Variants in TAF12 observed in about 807,000 individuals in gnomAD.
TAF12 encodes TATA-box binding protein associated factor 12, also known as transcription initiation factor TFIID subunit 12.
TAF12 carries 3 observed loss-of-function variants against 20.8 expected under a neutral mutation model. The observed-to-expected ratio is 0.14, with a 90% CI of 0.07 to 0.37. TAF12 has a LOEUF of 0.37. Ranked by LOEUF, TAF12 falls within the 10% of genes least tolerant of loss-of-function variation. The probability of loss-of-function intolerance (pLI) is 1.00; values close to 1 mark genes in which losing one functional copy is unlikely to be tolerated. For synonymous variants in TAF12, 69 were observed against 70.2 expected (o/e 0.98, Z 0.09); for missense variants, 131 against 197.9 (o/e 0.66, Z 2.03).
intron 2 of TAF12, 32 bp downstream of exon 2, chr1:28,621,882 G>C: frequency 8.1e-6 from 13 of 1,607,378 alleles, no homozygotes; most frequent in Non-Finnish European, 1.1e-5. Context: ...GTAAGAAGTG[G>C]CTACAGAGAA....
At chr1:28,604,477 A>C (rs1446447894) in intron 5 of TAF12, among the ~76,000 whole-genome samples, 1 of 152,198 alleles carries the variant, frequency 6.6e-6, no homozygotes, top group South Asian at 2.1e-4. Context: ...TTTTTGACCA[A>C]ATACCAATAT....
intron 4 of TAF12, among the ~76,000 whole-genome samples, chr1:28,606,001 T>A (rs1384714977): frequency 6.6e-6 from 1 of 151,140 alleles, no homozygotes; most frequent in Non-Finnish European, 1.5e-5. Flanking sequence ...CTGGCTTTTT[T>A]ATTTTTTATT....
upstream of TAF12, among the ~76,000 whole-genome samples, chr1:28,645,326 C>T (rs1324274930): frequency 1.3e-5 from 2 of 149,990 alleles, no homozygotes; most frequent in East Asian, 2.0e-4. Flanking sequence ...GGAGCCACTG[C>T]GCCCGGCCTC....
intron 1 of TAF12, among the ~76,000 whole-genome samples, chr1:28,639,190 G>C (rs1342164055): frequency 1.3e-5 from 2 of 151,530 alleles, no homozygotes; most frequent in African/African-American, 4.8e-5. Flanking sequence ...GCCGAGGCAG[G>C]CAGATCATCT....
At chr1:28,617,430 A>C (rs990956383) in intron 3 of TAF12, among the ~76,000 whole-genome samples, 2 of 149,380 alleles carry the variant, frequency 1.3e-5, no homozygotes, top group Admixed American at 1.3e-4. Flanking sequence ...GGTACACACC[A>C]CCACGCTCAG....
At chr1:28,611,116 G>A (rs937185009) in intron 4 of TAF12, among the ~76,000 whole-genome samples, 2 of 152,136 alleles carry the variant, frequency 1.3e-5, no homozygotes, top group African/African-American at 2.4e-5. Context: ...AGGTGCTCAT[G>A]GGATGTTAGT....
intron 1 of TAF12, among the ~76,000 whole-genome samples, chr1:28,641,977 T>C (rs1166150217): frequency 6.6e-6 from 1 of 152,164 alleles, no homozygotes; most frequent in Non-Finnish European, 1.5e-5. Context: ...CTTAGCCTTC[T>C]TAAATGTAAA....
chr1:28,617,767 A>G (rs1465740470), intron 3 of TAF12, among the ~76,000 whole-genome samples, 186 bp downstream of exon 3: 2 of 151,502 alleles, frequency 1.3e-5, no homozygotes, highest in East Asian at 3.9e-4. Context: ...TAATTGTTTA[A>G]TTTTTTGCAG....
chr1:28,646,989 C>T (rs776308622), upstream of TAF12, among the ~76,000 whole-genome samples: 4 of 151,776 alleles, frequency 2.6e-5, no homozygotes, highest in Non-Finnish European at 5.9e-5. Flanking sequence ...TGAGCCACCG[C>T]ACCCGGCCAA....
chr1:28,605,024 A>C lies in TAF12; in HGVS notation c.450+348T>G, dbSNP rs913367758. ...ACCTGCCCTCTCTTCATAGGACCAT[A>C]TATGGTGTTGCAATCAGCAACAATG... On this transcript the variant is annotated intron_variant, in intron 5 of 5. Transcript: ENST00000373824. Among the ~76,000 whole-genome samples the C allele has an allele frequency of 3.9e-5, 6 of 152,274 alleles. No individual in the cohort carries two copies. In the South Asian group the frequency reaches 1.0e-3, roughly 26 times the overall value.
chr1:28,614,646 G>A, intron 3 of TAF12, among the ~76,000 whole-genome samples: 1 of 150,836 alleles, frequency 6.6e-6, no homozygotes, highest in African/African-American at 2.4e-5. Flanking sequence ...CTGAACCACT[G>A]CACTCCAGCC....
chr1:28,613,660 A>G (rs1666937060), intron 3 of TAF12, among the ~76,000 whole-genome samples: 1 of 152,230 alleles, frequency 6.6e-6, no homozygotes, highest in Admixed American at 6.5e-5. Flanking sequence ...AATCATTTCA[A>G]TTCCTCACTC....
intron 1 of TAF12, among the ~76,000 whole-genome samples, chr1:28,633,198 A>C (rs1570331821): frequency 2.6e-5 from 3 of 116,904 alleles, no homozygotes; most frequent in Non-Finnish European, 3.4e-5. Flanking sequence ...ACAGAATCTC[A>C]CTCTGTTGCC....
intron 5 of TAF12, among the ~76,000 whole-genome samples, chr1:28,604,861 T>C (rs1221267206): frequency 1.3e-5 from 2 of 152,158 alleles, no homozygotes; most frequent in Non-Finnish European, 2.9e-5. Context: ...AGAAGTAGTA[T>C]TCTCACACTG....
chr1:28,647,973 T>C (rs1406987808), upstream of TAF12, among the ~76,000 whole-genome samples: 2 of 152,032 alleles, frequency 1.3e-5, no homozygotes, highest in Non-Finnish European at 2.9e-5. Flanking sequence ...ATTCTACAAC[T>C]CTTTTCACTC....
At chr1:28,612,933 C>T (rs760987041) in intron 4 of TAF12, among the ~76,000 whole-genome samples, 5 of 152,040 alleles carry the variant, frequency 3.3e-5, no homozygotes, top group Admixed American at 6.6e-5. Flanking sequence ...ATAATTCTCA[C>T]GATTATTCTG....
At chr1:28,627,068 T>C (rs1227431389) in intron 1 of TAF12, among the ~76,000 whole-genome samples, 3 of 152,084 alleles carry the variant, frequency 2.0e-5, no homozygotes, top group African/African-American at 7.2e-5. Flanking sequence ...CCTTAAGGAA[T>C]AGCTCCAACA....
chr1:28,617,781 C>G (rs1333867059), intron 3 of TAF12, among the ~76,000 whole-genome samples, 172 bp downstream of exon 3: 1 of 151,928 alleles, frequency 6.6e-6, no homozygotes, highest in Admixed American at 6.6e-5. Flanking sequence ...TTTGCAGAGA[C>G]AAGGTCTCAT....
rs375218029 is a variant in TAF12 at position 28,607,257 on chromosome 1, TGTG to T, written c.362-1800_362-1798del. Among the ~76,000 whole-genome samples the T allele has an allele frequency of 2.8e-4, 43 of 152,348 alleles. No homozygotes were observed. In the South Asian group the frequency reaches 8.7e-3, roughly 31 times the overall value. On this transcript the variant is annotated intron_variant, in intron 4 of 5. Transcript: ENST00000373824. ...GTATTTGAAAGTGACACTGGCCAGA[TGTG>T]GTGGCTCATTCCTGTAATCTCAGCA... is the stretch of plus-strand genomic sequence containing the variant.
Sources: gnomAD v4.1 joint callset for allele counts (sites outside exome capture counted in the v4.1 genomes callset) on GRCh38, gnomAD v4.1.1 for gene constraint, MANE v1.5 for transcripts, NCBI Gene and HGNC (gene_info 2026-07-23, HGNC 2026-07-21) for gene names.